The following UHRF2 variants were observed in gnomAD, a reference collection of about 807,000 sequenced individuals.
The protein encoded by UHRF2 is E3 ubiquitin-protein ligase UHRF2.
UHRF2 carries 23 observed loss-of-function variants against 96.8 expected under a neutral mutation model. The ratio of observed to expected loss-of-function variants is 0.24; its 90% CI spans 0.17 to 0.34. The LOEUF (loss-of-function observed/expected upper bound fraction) is 0.34. Ranked by LOEUF, UHRF2 falls within the 10% of genes least tolerant of loss-of-function variation. The probability of loss-of-function intolerance (pLI) is 1.00; values close to 1 mark genes in which losing one functional copy is unlikely to be tolerated. For missense variants in UHRF2, 685 were observed against 981.5 expected (o/e 0.70, Z 4.04); for synonymous variants, 385 against 332.6 (o/e 1.16, Z -1.72).
At chr9:6,416,165 G>A (rs950176687) in intron 1 of UHRF2, among the ~76,000 whole-genome samples, 1 of 152,124 alleles carries the variant, frequency 6.6e-6, no homozygotes, top group Non-Finnish European at 1.5e-5. Flanking sequence ...CCGGGTTCAA[G>A]CGATTCCCCT....
Position 6,503,018 on chromosome 9 carries a change from G to A in UHRF2, c.2164-1575G>A, listed in dbSNP as rs190859128. 1.4e-3 allele frequency among the ~76,000 whole-genome samples: 213 copies of A among 152,126 alleles called. 1 individual carries two copies. Among genetic ancestry groups the A allele is most frequent in the South Asian group, 2.5e-3 (12 of 4,824 alleles). ...TTGTTTGTTTGTTTGTTTTTGAGAC[G>A]GAGTTGTGGTCTGTCTCCCAGGCTG... is the stretch of plus-strand genomic sequence containing the variant. On this transcript the variant is annotated intron_variant, in intron 14 of 15. Coordinates refer to ENST00000276893, the MANE Select transcript of UHRF2 (RefSeq NM_152896.3).
At chr9:6,481,959 C>G (rs568891600) in intron 7 of UHRF2, 33 bp from the exon 8 acceptor site, 1 of 1,603,076 alleles carries the variant, frequency 6.2e-7, no homozygotes, top group African/African-American at 1.3e-5. Context: ...TTTAACATAA[C>G]TGATTTCTCA....
At position 6,413,637 on chromosome 9, in the gene UHRF2, C is replaced by A; in HGVS notation, c.147C>A (p.Gly49=). ...RPECQRLFYR[G]KQLENGYTLF... is the part of the protein sequence containing the mutation. Reference sequence around the variant, plus strand: ...AATGCCAGCGCCTCTTCTACCGGGGCAAGCAGGTGAGGCGCGCCCGCCGCG... The same window carrying A: ...AATGCCAGCGCCTCTTCTACCGGGGAAAGCAGGTGAGGCGCGCCCGCCGCG... The change falls in exon 1 of 16, where the codon GGC becomes GGA. Residue 49 remains glycine (G), a synonymous_variant. Coordinates refer to ENST00000276893, the MANE Select transcript of UHRF2 (RefSeq NM_152896.3). The A allele has an allele frequency of 2.5e-6, 4 of 1,585,836 alleles. No individual in the cohort carries two copies. Among genetic ancestry groups the A allele is most frequent in the Non-Finnish European group, 3.4e-6 (4 of 1,168,638 alleles).
chr9:6,445,048 T>C (rs1459379085), intron 3 of UHRF2, among the ~76,000 whole-genome samples: 1 of 149,118 alleles, frequency 6.7e-6, no homozygotes, highest in Non-Finnish European at 1.5e-5. Flanking sequence ...CCTAGCACTT[T>C]GGGAGACCAA....
chr9:6,482,695 C>G (rs1823995632), intron 8 of UHRF2, among the ~76,000 whole-genome samples: 1 of 149,936 alleles, frequency 6.7e-6, no homozygotes, highest in Admixed American at 6.7e-5. Flanking sequence ...CTCGTGGGTT[C>G]ACGCCATTCT....
At chr9:6,456,607 C>G (rs1373991458) in intron 3 of UHRF2, among the ~76,000 whole-genome samples, 1 of 152,138 alleles carries the variant, frequency 6.6e-6, no homozygotes, top group African/African-American at 2.4e-5. Context: ...AGTCTTTGCC[C>G]ATGCCTTTGT....
intron 2 of UHRF2, among the ~76,000 whole-genome samples, chr9:6,433,179 C>T (rs1045657135): frequency 1.3e-5 from 2 of 152,110 alleles, no homozygotes; most frequent in Non-Finnish European, 2.9e-5. Context: ...GTTTTTTAAA[C>T]CTTTCATTTC....
chr9:6,481,651 C>T lies in UHRF2; in HGVS notation c.1169C>T (p.Pro390Leu), dbSNP rs1823936304. The change falls in exon 7 of 16, where the codon CCT becomes CTT. Residue 390 changes from proline to leucine, a missense_variant. Transcript: ENST00000276893. The stretch of plus-strand genomic sequence containing the variant: ...TTTTTTTTCTTTTAAAGGTATTGTC[C>T]TTCTTGTAAAACTGATTCCAGTGAA... ...KVPEEEYWYC[P>L]SCKTDSSEVV... is the part of the protein sequence containing the mutation. The T allele has an allele frequency of 6.2e-7, 1 of 1,611,888 alleles. No homozygotes were observed. Among genetic ancestry groups the T allele is most frequent in the East Asian group, 2.2e-5 (1 of 44,840 alleles).
chr9:6,440,080 A>AT (rs1257852864), intron 3 of UHRF2, among the ~76,000 whole-genome samples: 1 of 152,164 alleles, frequency 6.6e-6, no homozygotes, highest in East Asian at 1.9e-4. Context: ...AAAAGTTAAG[A>AT]TTAACATTTT....
At chr9:6,442,075 A>C (rs1821198334) in intron 3 of UHRF2, among the ~76,000 whole-genome samples, 1 of 152,010 alleles carries the variant, frequency 6.6e-6, no homozygotes, top group African/African-American at 2.4e-5. Context: ...AACAATTCTC[A>C]TGCCTTAGCC....
At chr9:6,435,470 A>C (rs938432033) in intron 3 of UHRF2, among the ~76,000 whole-genome samples, 1 of 152,210 alleles carries the variant, frequency 6.6e-6, no homozygotes, top group Non-Finnish European at 1.5e-5. Context: ...GTTCACATAC[A>C]GTTTACCTGT....
chr9:6,504,575 C>G lies in UHRF2; in HGVS notation c.2164-18C>G. The G allele has an allele frequency of 6.3e-7, 1 of 1,589,884 alleles. No homozygotes were observed. The highest frequency in any genetic ancestry group is 1.1e-5 in the South Asian group (1 of 88,900). The stretch of plus-strand genomic sequence containing the variant: ...GAACTGCTAACTTTTCTTTCCTTAT[C>G]CTTGGATACTGTTCTAGAATTTTCT... On this transcript the variant is annotated intron_variant, in intron 14 of 15. Transcript: ENST00000276893.
At chr9:6,448,381 A>G (rs1041529139) in intron 3 of UHRF2, among the ~76,000 whole-genome samples, 2 of 152,252 alleles carry the variant, frequency 1.3e-5, no homozygotes, top group South Asian at 2.1e-4. Context: ...TATTGATTTT[A>G]CAAACTACAT....
intron 6 of UHRF2, 113 bp from the exon 7 acceptor site, chr9:6,481,530 G>A: frequency 7.9e-7 from 1 of 1,258,030 alleles, no homozygotes; most frequent in Middle Eastern, 2.9e-4. Flanking sequence ...GCTCTGTAAT[G>A]TATACCAAAT....
At chr9:6,486,997 G>C (rs1824328172) in intron 9 of UHRF2, 72 bp downstream of exon 9, 8 of 1,403,858 alleles carry the variant, frequency 5.7e-6, no homozygotes, top group Non-Finnish European at 8.0e-6. Flanking sequence ...CTTTGCCTAG[G>C]ATACATCAAA....
rs1181091812 is a variant in UHRF2, at chr9:6,497,294, T to C, written c.1701T>C (p.Ser567=). Residue 567 remains serine, a synonymous_variant, in exon 11 of 16, where the codon AGT becomes AGC. Coordinates refer to ENST00000276893, the MANE Select transcript of UHRF2 (RefSeq NM_152896.3). ...GTAAGCCAGTCAGAGTGATACGCAG[T>C]TTTAAAGGGAGGAAGATCAGCAAAT... The part of the protein sequence containing the change: ...RAGKPVRVIR[S]FKGRKISKYA... The C allele has an allele frequency of 6.2e-7, 1 of 1,613,968 alleles. No individual in the cohort carries two copies. The highest frequency in any genetic ancestry group is 2.2e-5 in the East Asian group (1 of 44,874).
At chr9:6,415,208 A>C (rs1819525179) in intron 1 of UHRF2, 1 of 152,218 alleles carries the variant, frequency 6.6e-6, no homozygotes, top group African/African-American at 2.4e-5. Flanking sequence ...GATTGGGTTA[A>C]ATTCAAGGCA....
intron 2 of UHRF2, among the ~76,000 whole-genome samples, chr9:6,431,317 C>CT (rs958115232): frequency 2.4e-4 from 36 of 151,890 alleles, no homozygotes; most frequent in African/African-American, 2.9e-4. Context: ...TAGGATAATC[C>CT]TTTTTTTTGG....
At chr9:6,443,713 TA>T (rs1322264283) in intron 3 of UHRF2, among the ~76,000 whole-genome samples, 1 of 152,210 alleles carries the variant, frequency 6.6e-6, no homozygotes, top group Non-Finnish European at 1.5e-5. Context: ...TTAAACCAAA[TA>T]GGTTCAACTG....
Sources: allele counts gnomAD v4.1 joint callset (sites outside exome capture counted in the v4.1 genomes callset), GRCh38; gene constraint gnomAD v4.1.1; transcripts MANE v1.5; gene names NCBI Gene and HGNC (gene_info 2026-07-23, HGNC 2026-07-21).